BRAT1: variants seen among roughly 807,000 people sequenced by gnomAD.
The protein encoded by BRAT1 is BRCA1 associated ATM activator 1, also known as integrator complex assembly factor BRAT1.
Under a neutral mutation model 70.6 loss-of-function variants are expected in BRAT1, and 74 were observed. The ratio of observed to expected loss-of-function variants is 1.05; its 90% CI spans 0.87 to 1.27. The LOEUF (loss-of-function observed/expected upper bound fraction) is 1.27. Ranked by LOEUF, BRAT1 falls within the 50% of genes most tolerant of loss-of-function variation. The pLI is 0.00. For synonymous variants in BRAT1, 615 were observed against 517.1 expected (o/e 1.19, Z -2.57); for missense variants, 1,203 against 1,098.2 (o/e 1.10, Z -1.35).
chr7:2,546,494 G>A (rs1394821349), intron 3 of BRAT1, among the ~76,000 whole-genome samples: 2 of 152,002 alleles, frequency 1.3e-5, no homozygotes, highest in Non-Finnish European at 2.9e-5. Context: ...AGCATTTTGG[G>A]AGGCCGAGGC....
intron 2 of BRAT1, among the ~76,000 whole-genome samples, chr7:2,551,810 A>C (rs1477220619): frequency 1.3e-5 from 2 of 151,788 alleles, no homozygotes; most frequent in Non-Finnish European, 2.9e-5. Context: ...CCTGGGTCCT[A>C]TGTCTCAATA....
Position 2,538,605 on chromosome 7 carries a change from G to T in BRAT1, c.1930C>A (p.Arg644=), listed in dbSNP as rs754828716. 41 of 1,597,472 alleles carry T rather than the reference G, an allele frequency of 2.6e-5. No individual in the cohort carries two copies. The highest frequency in any genetic ancestry group is 3.4e-5 in the Non-Finnish European group (40 of 1,178,760). The change falls in exon 14 of 14, where the codon CGA becomes AGA. Residue 644 remains arginine, a synonymous_variant. Transcript: ENST00000340611. ...FVATVLQAAS[R]DLDWEVRAQG... ...GCGCGGACCTCCCAGTCCAGGTCTC[G>T]GCTCGCCGCCTGCAGCACAGTGGCC...
At position 2,545,063 on chromosome 7, in the gene BRAT1, AGC is replaced by A. The variant is rs1339457519; in HGVS notation, c.283-9_283-8del. The stretch of plus-strand genomic sequence containing the variant: ...CTGGTAGTAACTCCCCCTGCTGGGA[AGC>A]AAAAAAAGAAGTGAGGGTGGCCAGG... On this transcript the variant is annotated splice_region_variant and splice_polypyrimidine_tract_variant and intron_variant, in intron 3 of 13. Transcript: ENST00000340611. The A allele has an allele frequency of 6.7e-7, 1 of 1,483,044 alleles. No homozygotes were observed. Among genetic ancestry groups the A allele is most frequent in the Non-Finnish European group, 9.0e-7 (1 of 1,115,376 alleles). 91.9% of individuals were successfully genotyped at this position (1,483,044 alleles called of 1,614,324 possible).
intron 3 of BRAT1, among the ~76,000 whole-genome samples, chr7:2,545,490 C>T (rs1779540634): frequency 2.7e-5 from 3 of 112,466 alleles, no homozygotes; most frequent in South Asian, 2.9e-4. Context: ...AGGACACTTT[C>T]TTCTTCTTTT....
intron 3 of BRAT1, 41 bp from the exon 4 acceptor site, chr7:2,545,097 G>A: frequency 6.9e-7 from 1 of 1,455,314 alleles, no homozygotes; most frequent in South Asian, 1.4e-5. Flanking sequence ...CAGGCGCAGT[G>A]GCTGAAGCCT....
chr7:2,548,905 C>T lies in BRAT1; in HGVS notation c.128-1427G>A, dbSNP rs55787342. Among the ~76,000 whole-genome samples, 1,209 of 152,084 alleles carry T rather than the reference C, an allele frequency of 7.9e-3. 10 individuals carry two copies. Among genetic ancestry groups the T allele is most frequent in the Non-Finnish European group, 0.01 (714 of 68,004 alleles). On this transcript the variant is annotated intron_variant, in intron 2 of 13. Transcript: ENST00000340611. ...GCTTGAACTCGGGAGGTGGAGGTTG[C>T]GGTGAGCCGAGATCGCACCACTGCA...
At chr7:2,539,505 C>T (rs754111516) in intron 12 of BRAT1, 39 bp downstream of exon 12, 54 of 1,523,480 alleles carry the variant, frequency 3.5e-5, no homozygotes, top group Non-Finnish European at 4.6e-5. Flanking sequence ...GAGCCCCCCA[C>T]AGGCGGGGAA....
At chr7:2,544,446 C>A (rs995508016) in intron 4 of BRAT1, among the ~76,000 whole-genome samples, 3 of 152,114 alleles carry the variant, frequency 2.0e-5, no homozygotes, top group Non-Finnish European at 2.9e-5. Flanking sequence ...AGGTGATCCA[C>A]CCGCCTCGGC....
chr7:2,538,251 G>C lies in BRAT1; in HGVS notation c.2284C>G (p.Gln762Glu), dbSNP rs1778838576. ...TCAGGCTCCTGGTCCCCTGGGGGCT[G>C]GGCCTGCTCACCCGCCCGCCACCTC... ...LPRWRAGEQA[Q>E]PPGDQEPEAV... The change falls in exon 14 of 14, where the codon CAG (glutamine) becomes GAG (glutamate). Residue 762 changes from glutamine (Q) to glutamate (E), a missense_variant. Coordinates refer to ENST00000340611, the MANE Select transcript of BRAT1 (RefSeq NM_152743.4). The C allele has an allele frequency of 1.2e-6, 2 of 1,610,434 alleles. No individual in the cohort carries two copies. Among genetic ancestry groups the C allele is most frequent in the Admixed American group, 1.7e-5 (1 of 59,910 alleles).
rs1778943417 is a variant in BRAT1 at position 2,539,199 on chromosome 7, C to G, written c.1750G>C (p.Glu584Gln). The G allele has an allele frequency of 6.2e-7, 1 of 1,607,312 alleles. No individual in the cohort carries two copies. Among genetic ancestry groups the G allele is most frequent in the Non-Finnish European group, 8.5e-7 (1 of 1,177,468 alleles). ...CCTACCTGCCGGGCCTCTGCATGCT[C>G]AGGGCTGGTGGGGGCGTGCAGGCCC... ...SQGLHAPTSP[E>Q]HAEARQSLFL... Residue 584 changes from glutamate to glutamine, a missense_variant, in exon 13 of 14, where the codon GAG (glutamate) becomes CAG (glutamine). Coordinates refer to ENST00000340611, the MANE Select transcript of BRAT1 (RefSeq NM_152743.4).
intron 2 of BRAT1, among the ~76,000 whole-genome samples, chr7:2,548,688 C>T (rs754751000): frequency 2.2e-4 from 32 of 147,794 alleles, no homozygotes; most frequent in Non-Finnish European, 4.2e-4. Context: ...AAAGGCGGGG[C>T]GTGGTGGCTC....
chr7:2,538,869 T>C (rs1778913173), intron 13 of BRAT1, 105 bp from the exon 14 acceptor site: 5 of 1,522,366 alleles, frequency 3.3e-6, no homozygotes, highest in Non-Finnish European at 4.4e-6. Flanking sequence ...ACATGCAGTC[T>C]AGGGCCACAG....
chr7:2,542,060 CCCTT>C, intron 7 of BRAT1, 56 bp downstream of exon 7: 1 of 1,421,792 alleles, frequency 7.0e-7, no homozygotes, highest in Non-Finnish European at 9.4e-7. Context: ...TCATCCATCT[CCCTT>C]CCCCCAGCCG....
Position 2,538,036 on chromosome 7 carries a change from G to A in BRAT1, c.*33C>T. The A allele has an allele frequency of 6.6e-7, 1 of 1,519,972 alleles. No homozygotes were observed. Among genetic ancestry groups the A allele is most frequent in the Non-Finnish European group, 8.8e-7 (1 of 1,131,672 alleles). 94.2% of individuals were successfully genotyped at this position (1,519,972 alleles called of 1,614,324 possible). A position where few individuals can be genotyped will look rare whatever the true frequency, so the allele number is the denominator to read the frequency against. ...GAAGGACATGGTGCTGCCTCCCTTG[G>A]TCCTGAGCCCCAGTGGCAGACTCTG... On this transcript the variant is annotated 3_prime_UTR_variant, in exon 14 of 14. Transcript: ENST00000340611.
chr7:2,540,973 C>T lies in BRAT1; in HGVS notation c.1395+6G>A. On this transcript the variant is annotated splice_donor_region_variant and intron_variant, in intron 10 of 13. Transcript: ENST00000340611. ...CTCTCCTCGCTCTCTATCCCCACCACCGTACCGTGGGGCTGGAGCCGGGGC... is the reference window on the plus strand; with the variant it reads ...CTCTCCTCGCTCTCTATCCCCACCATCGTACCGTGGGGCTGGAGCCGGGGC... 2 of 1,545,002 alleles carry T rather than the reference C, an allele frequency of 1.3e-6. No homozygotes were observed. Among genetic ancestry groups the T allele is most frequent in the Non-Finnish European group, 1.7e-6 (2 of 1,157,476 alleles).
chr7:2,543,806 T>TGGGCACACGCGGGCC lies in BRAT1; in HGVS notation c.572_586dup (p.Ala195_Gln196insArgProAlaCysAla). The TGGGCACACGCGGGCC allele has an allele frequency of 6.2e-7, 1 of 1,612,862 alleles. No individual in the cohort carries two copies. The highest frequency in any genetic ancestry group is 1.7e-5 in the Admixed American group (1 of 59,984). On this transcript the variant is annotated inframe_insertion, in exon 5 of 14. Transcript: ENST00000340611. The surrounding 1 kb of genome is among the most constrained non-coding windows in gnomAD (Gnocchi z 5.5). ...CTCTTCAACGTGATCCATGATCTTC[T>TGGGCACACGCGGGCC]GGGCACACGCGGGCCAGTCACCCCC... is the stretch of plus-strand genomic sequence containing the variant.
In BRAT1 at chr7:2,543,987, G is replaced by C. The variant is rs1779395200; in HGVS notation, c.431-25C>G. 6.5e-7 allele frequency: 1 copy of C among 1,527,844 alleles called. No individual in the cohort carries two copies. Among genetic ancestry groups the C allele is most frequent in the East Asian group, 2.3e-5 (1 of 42,620 alleles). The allele number at this position is 1,527,844 out of a possible 1,614,324, so 94.6% of individuals were successfully genotyped here. On this transcript the variant is annotated intron_variant, in intron 4 of 13. Coordinates refer to ENST00000340611, the MANE Select transcript of BRAT1 (RefSeq NM_152743.4). The surrounding 1 kb of genome is among the most constrained non-coding windows in gnomAD (Gnocchi z 5.5). ...CCTGGGTAGGGGATGGGGGAAGAGA[G>C]GGAAAAGGGGGTGAGCCAGAATAGA...
intron 7 of BRAT1, 31 bp downstream of exon 7, chr7:2,542,089 C>A: frequency 6.8e-7 from 1 of 1,475,518 alleles, no homozygotes; most frequent in Admixed American, 2.5e-5. Flanking sequence ...GACCCAGGTT[C>A]TGCCCTCCCA....
intron 1 of BRAT1, among the ~76,000 whole-genome samples, chr7:2,555,204 G>GC (rs1195638879): frequency 4.6e-5 from 7 of 152,116 alleles, no homozygotes; most frequent in African/African-American, 7.2e-5. Flanking sequence ...GTGGTCAGCG[G>GC]CTCTGTCTAA....
Sources: allele counts gnomAD v4.1 joint callset (sites outside exome capture counted in the v4.1 genomes callset), GRCh38; gene constraint gnomAD v4.1.1; non-coding constraint Gnocchi (gnomAD v3.1); transcripts MANE v1.5; gene names NCBI Gene and HGNC (gene_info 2026-07-23, HGNC 2026-07-21).